GLE1: variants seen among roughly 807,000 people sequenced by gnomAD.
The protein encoded by GLE1 is GLE1 RNA export mediator.
GLE1 carries 78 observed loss-of-function variants against 97.3 expected under a neutral mutation model. The ratio of observed to expected loss-of-function variants is 0.80; its 90% CI spans 0.67 to 0.97. GLE1 has a LOEUF of 0.97. Ranked by LOEUF, GLE1 falls within the 50% of genes least tolerant of loss-of-function variation. The pLI, the probability that GLE1 is intolerant of heterozygous loss-of-function variation, is 0.00. For missense variants in GLE1, 753 were observed against 857.5 expected (o/e 0.88, Z 1.52); for synonymous variants, 302 against 313.4 (o/e 0.96, Z 0.39).
Position 128,533,772 on chromosome 9 carries a change from G to A in GLE1, c.1467G>A (p.Glu489=), listed in dbSNP as rs1384133244. 6.2e-7 allele frequency: 1 copy of A among 1,614,038 alleles called. No individual in the cohort carries two copies. Among genetic ancestry groups the A allele is most frequent in the African/African-American group, 1.3e-5 (1 of 74,946 alleles). ...CTCTATGTTCTCAGAAACAAGGCGAGGAGGAAGTGGCCTCTCACCATGAAG... is the reference window on the plus strand; with the variant it reads ...CTCTATGTTCTCAGAAACAAGGCGAAGAGGAAGTGGCCTCTCACCATGAAG... ...KLAEKFVKQG[E]EEVASHHEAA... Residue 489 remains glutamate (E), a synonymous_variant, in exon 11 of 16, where the codon GAG becomes GAA. Transcript: ENST00000309971.
chr9:128,529,865 C>T (rs1847433996), intron 9 of GLE1, among the ~76,000 whole-genome samples: 1 of 152,134 alleles, frequency 6.6e-6, no homozygotes, highest in Non-Finnish European at 1.5e-5. Context: ...CAAGCTCCAC[C>T]TCCCGGGTTC....
intron 3 of GLE1, among the ~76,000 whole-genome samples, chr9:128,520,165 G>A (rs1010737637): frequency 5.9e-5 from 9 of 151,868 alleles, no homozygotes; most frequent in African/African-American, 2.2e-4. Context: ...CAGGAGAATC[G>A]CTTGAACCTG....
chr9:128,504,739 C>T lies in GLE1; in HGVS notation c.-67C>T, dbSNP rs1226441048. 6 of 1,093,004 alleles carry T rather than the reference C, an allele frequency of 5.5e-6. No homozygotes were observed. The Admixed American group carries it at 6.7e-5, about 12-fold the overall frequency. The allele number at this position is 1,093,004 out of a possible 1,614,324, so 67.7% of individuals were successfully genotyped here. Reference sequence around the variant, plus strand: ...GAAGCAGAAGCCTGTGTGGCCTTCCCGGCGGCTGATTCGAGGGCTTGTTTG... The same window carrying T: ...GAAGCAGAAGCCTGTGTGGCCTTCCTGGCGGCTGATTCGAGGGCTTGTTTG... On this transcript the variant is annotated 5_prime_UTR_variant, in exon 1 of 16. Transcript: ENST00000309971.
At chr9:128,515,830 A>G (rs1335587178) in intron 3 of GLE1, among the ~76,000 whole-genome samples, 191 bp downstream of exon 3, 1 of 152,102 alleles carries the variant, frequency 6.6e-6, no homozygotes, top group Non-Finnish European at 1.5e-5. Flanking sequence ...TGGCTGTTAC[A>G]TTTTACATGT....
intron 1 of GLE1, among the ~76,000 whole-genome samples, chr9:128,508,412 A>G (rs1010001582): frequency 2.0e-5 from 3 of 152,150 alleles, no homozygotes; most frequent in South Asian, 2.1e-4. Flanking sequence ...CTCAAAAATA[A>G]TTAATTTTAA....
intron 2 of GLE1, among the ~76,000 whole-genome samples, chr9:128,514,644 G>A (rs143962278): frequency 6.6e-6 from 1 of 152,110 alleles, no homozygotes; most frequent in East Asian, 1.9e-4. Flanking sequence ...TGTATGTTTG[G>A]TAGAGACAGA....
chr9:128,538,089 A>C lies in GLE1; in HGVS notation c.1880A>C (p.Glu627Ala). ...GCCACCCTCCTCTTTGACTTCCTGGAGGTACGTAACTCAGTTATCACACAA... is the reference window on the plus strand; with the variant it reads ...GCCACCCTCCTCTTTGACTTCCTGGCGGTACGTAACTCAGTTATCACACAA... ...VTATLLFDFL[E>A]VCGNALMKQY... The change falls in exon 13 of 16, where the codon GAG (glutamate) becomes GCG (alanine). Residue 627 changes from glutamate (E) to alanine (A), a missense_variant and splice_region_variant. Glu to Ala is a moderately radical substitution (Grantham distance 107). Coordinates refer to ENST00000309971, the MANE Select transcript of GLE1 (RefSeq NM_001003722.2). 6.5e-7 allele frequency: 1 copy of C among 1,546,908 alleles called. No homozygotes were observed. The highest frequency in any genetic ancestry group is 1.7e-5 in the Admixed American group (1 of 59,888).
rs748807179 is a variant in GLE1 at position 128,539,630 on chromosome 9, C to G, written c.1896C>G (p.Ala632=). 3 of 1,612,440 alleles carry G rather than the reference C, an allele frequency of 1.9e-6. No individual in the cohort carries two copies. The highest frequency in any genetic ancestry group is 2.5e-6 in the Non-Finnish European group (3 of 1,178,542). Reference sequence around the variant, plus strand: ...TTTCCCTCTAGGTGTGTGGGAATGCCCTCATGAAGCAATACCAGGTTCAGT... The same window carrying G: ...TTTCCCTCTAGGTGTGTGGGAATGCGCTCATGAAGCAATACCAGGTTCAGT... ...LFDFLEVCGN[A]LMKQYQVQFW... The change falls in exon 14 of 16, where the codon GCC becomes GCG. Residue 632 remains alanine (A), a synonymous_variant. Coordinates refer to ENST00000309971, the MANE Select transcript of GLE1 (RefSeq NM_001003722.2).
intron 2 of GLE1, among the ~76,000 whole-genome samples, chr9:128,510,138 G>GCCT (rs1331877622): frequency 4.0e-5 from 6 of 151,430 alleles, no homozygotes; most frequent in African/African-American, 1.5e-4. Context: ...GCTCACTGCA[G>GCCT]CCTCCACCTC....
intron 3 of GLE1, among the ~76,000 whole-genome samples, chr9:128,520,282 G>C (rs1180601862): frequency 4.0e-5 from 6 of 149,584 alleles, no homozygotes; most frequent in Non-Finnish European, 5.9e-5. Flanking sequence ...ATATATGTGT[G>C]TATATATATG....
chr9:128,515,813 C>T (rs544282612), intron 3 of GLE1, among the ~76,000 whole-genome samples, 174 bp downstream of exon 3: 7 of 152,294 alleles, frequency 4.6e-5, no homozygotes, highest in Non-Finnish European at 8.8e-5. Context: ...AGTCTGGTTT[C>T]AGATCCTGGC....
Position 128,523,319 on chromosome 9 carries a change from T to C in GLE1, c.621T>C (p.Ala207=). 6.2e-7 allele frequency: 1 copy of C among 1,613,580 alleles called. No homozygotes were observed. The highest frequency in any genetic ancestry group is 8.5e-7 in the Non-Finnish European group (1 of 1,179,472). ...TGGGACACCAAGAGAAGCTAAAAGC[T>C]GAGCACCGTCACAGAGCAAAGGTCA... The part of the protein sequence containing the change: ...EALGHQEKLK[A]EHRHRAKILN... The change falls in exon 5 of 16, where the codon GCT becomes GCC. Residue 207 remains alanine, a synonymous_variant. Coordinates refer to ENST00000309971, the MANE Select transcript of GLE1 (RefSeq NM_001003722.2).
At position 128,537,959 on chromosome 9, in the gene GLE1, A is replaced by G. The variant is rs372473529; in HGVS notation, c.1777-27A>G. 7 of 1,310,412 alleles carry G rather than the reference A, an allele frequency of 5.3e-6. No individual in the cohort carries two copies. In the African/African-American group the frequency reaches 5.8e-5, roughly 11 times the overall value. The allele number at this position is 1,310,412 out of a possible 1,614,324, so 81.2% of individuals were successfully genotyped here. ...TAGATTTCTAAACAAAATGAGATCA[A>G]TGATAACCAAGCTTCTCTACTCCCA... On this transcript the variant is annotated intron_variant, in intron 12 of 15. Transcript: ENST00000309971.
intron 3 of GLE1, among the ~76,000 whole-genome samples, chr9:128,520,547 A>G (rs1847124635): frequency 6.6e-6 from 1 of 151,726 alleles, no homozygotes; most frequent in South Asian, 2.1e-4. Flanking sequence ...TGTTTTGTCT[A>G]CAAACATTTA....
At position 128,533,886 on chromosome 9, in the gene GLE1, G is replaced by C. The variant is rs1278873513; in HGVS notation, c.1581G>C (p.Lys527Asn). Residue 527 changes from lysine to asparagine, a missense_variant, in exon 11 of 16, where the codon AAG becomes AAC. By Grantham distance (94) the Lys-to-Asn change is moderately conservative (BLOSUM62 0). Coordinates refer to ENST00000309971, the MANE Select transcript of GLE1 (RefSeq NM_001003722.2). Reference protein sequence around the residue: ...GDLILAHLHKKCPYSVPFYPT... With the variant: ...GDLILAHLHKNCPYSVPFYPT... ...TCATTCTTGCTCATCTACATAAGAA[G>C]TGTCCTTACTCTGTTCCTTTCTATC... The C allele has an allele frequency of 1.9e-6, 3 of 1,613,294 alleles. No homozygotes were observed. In the African/African-American group the frequency reaches 4.0e-5, roughly 22 times the overall value.
chr9:128,541,765 C>A lies in GLE1; in HGVS notation c.*595C>A, dbSNP rs1245037290. On this transcript the variant is annotated 3_prime_UTR_variant, in exon 16 of 16. Coordinates refer to ENST00000309971, the MANE Select transcript of GLE1 (RefSeq NM_001003722.2). ...GGTGACACTATGGCTAGATTAACAT[C>A]TGGGATTAGGACTGGAAACACATGT... 6.6e-6 allele frequency: 1 copy of A among 152,510 alleles called. No individual in the cohort carries two copies. The highest frequency in any genetic ancestry group is 6.5e-5 in the Admixed American group (1 of 15,328). The allele number at this position is 152,510 out of a possible 1,614,324, so 9.4% of individuals were successfully genotyped here.
rs761305007 is a variant in GLE1 at position 128,533,802 on chromosome 9, A to C, written c.1497A>C (p.Ala499=). The change falls in exon 11 of 16, where the codon GCA becomes GCC. Residue 499 remains alanine, a synonymous_variant. Transcript: ENST00000309971. Reference sequence around the variant, plus strand: ...AAGTGGCCTCTCACCATGAAGCAGCATTCCCCATTGCAGTTGTGGCATCCG... The same window carrying C: ...AAGTGGCCTCTCACCATGAAGCAGCCTTCCCCATTGCAGTTGTGGCATCCG... ...EEEVASHHEA[A]FPIAVVASGI... is the part of the protein sequence containing the mutation. 3 of 1,614,168 alleles carry C rather than the reference A, an allele frequency of 1.9e-6. No individual in the cohort carries two copies. The highest frequency in any genetic ancestry group is 2.5e-6 in the Non-Finnish European group (3 of 1,179,998).
intron 3 of GLE1, among the ~76,000 whole-genome samples, chr9:128,519,411 G>A (rs112871564): frequency 9.2e-5 from 14 of 152,256 alleles, no homozygotes; most frequent in Non-Finnish European, 1.6e-4. Flanking sequence ...GAGAATACGC[G>A]CCTGGGGGTA....
chr9:128,513,103 G>A (rs150390608), intron 2 of GLE1, among the ~76,000 whole-genome samples: 1 of 152,070 alleles, frequency 6.6e-6, no homozygotes, highest in African/African-American at 2.4e-5. Context: ...AGGGACTGAG[G>A]GAAGTATTAA....
Sources: allele counts gnomAD v4.1 joint callset (sites outside exome capture counted in the v4.1 genomes callset), GRCh38; gene constraint gnomAD v4.1.1; transcripts MANE v1.5; gene names NCBI Gene and HGNC (gene_info 2026-07-23, HGNC 2026-07-21).